The following DACH2 variants were observed in gnomAD, a reference collection of about 807,000 sequenced individuals.
The protein encoded by DACH2 is dachshund homolog 2.
DACH2 carries 17 observed loss-of-function variants against 35.8 expected under a neutral mutation model. The ratio of observed to expected loss-of-function variants is 0.48; its 90% CI spans 0.33 to 0.71. DACH2 has a LOEUF of 0.71. DACH2 is among the 30% of genes least tolerant of loss of function. DACH2 has a pLI of 0.02. For synonymous variants in DACH2, 195 were observed against 177.3 expected, an observed-to-expected ratio of 1.10 and a Z score of -0.79; for missense variants, 469 against 472.7, an observed-to-expected ratio of 0.99 and a Z score of 0.07.
intron 2 of DACH2, among the ~76,000 whole-genome samples, chrX:86,437,133 A>T (rs1041004093): frequency 8.1e-5 from 9 of 110,530 alleles, no homozygotes; most frequent in Non-Finnish European, 1.5e-4. Context: ...CTTGTTTTTA[A>T]CTTTGTTGAT....
chrX:86,537,973 C>A (rs1279930208), intron 3 of DACH2, among the ~76,000 whole-genome samples: 1 of 110,825 alleles, frequency 9.0e-6, no homozygotes, highest in Admixed American at 9.7e-5. Context: ...CAGAGAACAA[C>A]CCCCTTTGAT....
intron 4 of DACH2, among the ~76,000 whole-genome samples, chrX:86,667,537 GAAAGAAAGAAGA>G (rs1176266821): frequency 0.012 from 605 of 50,398 alleles, 1 homozygote; most frequent in Non-Finnish European, 0.015. Context: ...AAGAAAGAAA[GAAAGAAAGAAGA>G]AAGAAAGAAA....
chrX:86,323,500 G>A (rs1401225221), intron 1 of DACH2, among the ~76,000 whole-genome samples: 2 of 112,095 alleles, frequency 1.8e-5, no homozygotes, highest in South Asian at 3.7e-4. Flanking sequence ...TCCCAGGGCT[G>A]TAAAAACTCT....
intron 4 of DACH2, among the ~76,000 whole-genome samples, chrX:86,690,352 G>A (rs766071744): frequency 1.4e-4 from 16 of 111,749 alleles, no homozygotes; most frequent in Non-Finnish European, 2.5e-4. Flanking sequence ...TGGGAAATGC[G>A]GAAGTGCTAA....
intron 1 of DACH2, among the ~76,000 whole-genome samples, chrX:86,195,799 G>C (rs2031964988): frequency 2.7e-5 from 3 of 110,953 alleles, no homozygotes; most frequent in Non-Finnish European, 3.8e-5. Context: ...CCCTGCATTA[G>C]AGCACCCAGT....
intron 1 of DACH2, among the ~76,000 whole-genome samples, chrX:86,317,077 A>G (rs1218866744): frequency 2.0e-5 from 2 of 102,102 alleles, no homozygotes; most frequent in Admixed American, 2.2e-4. Flanking sequence ...AGATTGCACT[A>G]CTGCACTCCA....
chrX:86,733,177 G>T (rs1411681017), intron 6 of DACH2, among the ~76,000 whole-genome samples: 1 of 111,927 alleles, frequency 8.9e-6, no homozygotes, highest in Non-Finnish European at 1.9e-5. Context: ...GCGTTAGGCA[G>T]TCAATAAATA....
At chrX:86,215,799 A>C (rs757232325) in intron 1 of DACH2, among the ~76,000 whole-genome samples, 7 of 112,226 alleles carry the variant, frequency 6.2e-5, no homozygotes, top group Admixed American at 1.9e-4. Flanking sequence ...GAATTACCCA[A>C]ATTTCTACAA....
chrX:86,710,417 T>G (rs1460417267), intron 5 of DACH2, among the ~76,000 whole-genome samples: 1 of 111,890 alleles, frequency 8.9e-6, no homozygotes, highest in Non-Finnish European at 1.9e-5. Context: ...AATACATCAA[T>G]ATTGATTTTT....
At chrX:86,455,934 C>T (rs2037467237) in intron 2 of DACH2, among the ~76,000 whole-genome samples, 1 of 112,216 alleles carries the variant, frequency 8.9e-6, no homozygotes, top group East Asian at 2.8e-4. Flanking sequence ...TGAGACTCCA[C>T]ACAGCTTTTT....
chrX:86,803,851 G>T (rs2042317901), intron 7 of DACH2, among the ~76,000 whole-genome samples: 1 of 110,933 alleles, frequency 9.0e-6, no homozygotes, highest in Non-Finnish European at 1.9e-5. Context: ...GTAGAAATAG[G>T]GGTGCAGGTT....
At chrX:86,423,269 A>C (rs1040697532) in intron 2 of DACH2, among the ~76,000 whole-genome samples, 2 of 110,972 alleles carry the variant, frequency 1.8e-5, no homozygotes, top group Non-Finnish European at 3.8e-5. Context: ...GGTTGTACTA[A>C]TTTACACTCC....
chrX:86,489,820 CTTG>C (rs1233522735), intron 2 of DACH2, among the ~76,000 whole-genome samples: 3 of 111,331 alleles, frequency 2.7e-5, no homozygotes, highest in Non-Finnish European at 5.7e-5. Flanking sequence ...AAAATATTGT[CTTG>C]TTGGTAGAAG....
At chrX:86,291,672 A>G (rs1430139426) in intron 1 of DACH2, among the ~76,000 whole-genome samples, 8 of 105,215 alleles carry the variant, frequency 7.6e-5, no homozygotes, top group African/African-American at 2.9e-4. Flanking sequence ...TTCTGCATCT[A>G]TTGAGATAAT....
At chrX:86,794,407 A>G (rs2147326922) in intron 7 of DACH2, among the ~76,000 whole-genome samples, 1 of 111,070 alleles carries the variant, frequency 9.0e-6, no homozygotes, top group East Asian at 2.8e-4. Context: ...TTAATTTAGT[A>G]GGAGTATCTG....
intron 1 of DACH2, among the ~76,000 whole-genome samples, chrX:86,244,499 A>G (rs2033237201): frequency 8.9e-6 from 1 of 111,983 alleles, no homozygotes; most frequent in South Asian, 3.7e-4. Flanking sequence ...CTCTAGTTCC[A>G]GCTACTCAGG....
chrX:86,184,960 G>A (rs5968820), intron 1 of DACH2, among the ~76,000 whole-genome samples: 7,930 of 111,132 alleles, frequency 0.071, 696 homozygotes, highest in African/African-American at 0.24. Flanking sequence ...CATCAAATAG[G>A]GGATTAGGTA....
At chrX:86,356,535 C>G (rs111515475) in intron 1 of DACH2, among the ~76,000 whole-genome samples, 1 of 110,639 alleles carries the variant, frequency 9.0e-6, no homozygotes, top group Non-Finnish European at 1.9e-5. Flanking sequence ...GGGTTCCATG[C>G]GAATTTTAGA....
At chrX:86,821,207 G>A (rs897705664) in intron 11 of DACH2, among the ~76,000 whole-genome samples, 2 of 110,505 alleles carry the variant, frequency 1.8e-5, no homozygotes, top group Non-Finnish European at 3.8e-5. Flanking sequence ...ATTGATGCCC[G>A]GTACTGTGTT....
Sources: allele counts gnomAD v4.1 joint callset (sites outside exome capture counted in the v4.1 genomes callset), GRCh38; gene constraint gnomAD v4.1.1; transcripts MANE v1.5; gene names NCBI Gene and HGNC (gene_info 2026-07-23, HGNC 2026-07-21).